Variants in CUBN observed in about 807,000 individuals in gnomAD.
CUBN encodes the protein cubilin.
Under a neutral mutation model 405.3 loss-of-function variants are expected in CUBN, and 282 were observed. That is an observed-to-expected ratio of 0.70 (90% CI 0.63 to 0.77). The LOEUF is 0.77. Ranked by LOEUF, CUBN falls within the 30% of genes least tolerant of loss-of-function variation. The pLI, the probability that CUBN is intolerant of heterozygous loss-of-function variation, is 0.00. For synonymous variants in CUBN, 1,684 were observed against 1,617.0 expected, an observed-to-expected ratio of 1.04 and a Z score of -0.99; for missense variants, 4,514 against 4,475.2, an observed-to-expected ratio of 1.01 and a Z score of -0.25.
chr10:16,992,669 C>G (rs993298399), intron 28 of CUBN, among the ~76,000 whole-genome samples: 2 of 152,208 alleles, frequency 1.3e-5, no homozygotes, highest in Admixed American at 1.3e-4. Context: ...AAATCTGACT[C>G]TAGCTCAAAG....
Position 16,831,850 on chromosome 10 carries a change from A to ATG in CUBN, c.10363-435_10363-434dup, listed in dbSNP as rs949522601. ...TTTCTCATTGTGTGTGTGTTTGTGTATGTGTGTGTGTGCACGTGTTTCCCA... is the reference window on the plus strand; with the variant it reads ...TTTCTCATTGTGTGTGTGTTTGTGTATGTGTGTGTGTGTGCACGTGTTTCCCA... On this transcript the variant is annotated intron_variant, in intron 64 of 66. Coordinates refer to ENST00000377833, the MANE Select transcript of CUBN (RefSeq NM_001081.4). 3.1e-4 allele frequency among the ~76,000 whole-genome samples: 43 copies of ATG among 139,770 alleles called. 1 individual carries two copies. Among genetic ancestry groups the ATG allele is most frequent in the Middle Eastern group, 3.5e-3 (1 of 288 alleles). The allele number at this position is 139,770 out of a possible 152,430, so 91.7% of individuals were successfully genotyped here. A position where few individuals can be genotyped will look rare whatever the true frequency, so the allele number is the denominator to read the frequency against.
At chr10:17,003,168 C>T (rs534276138) in intron 28 of CUBN, among the ~76,000 whole-genome samples, 9 of 152,270 alleles carry the variant, frequency 5.9e-5, no homozygotes, top group Admixed American at 5.9e-4. Context: ...TAAATTTCTA[C>T]CAAAACCAAG....
intron 4 of CUBN, among the ~76,000 whole-genome samples, chr10:17,125,216 TTA>T (rs958014314): frequency 6.6e-5 from 10 of 152,140 alleles, no homozygotes; most frequent in Non-Finnish European, 1.2e-4. Flanking sequence ...TACATATATA[TTA>T]TATATGTGTC....
Position 17,126,005 on chromosome 10 carries a change from C to CT in CUBN, c.387+755dup, listed in dbSNP as rs369979399. 3.0e-4 allele frequency among the ~76,000 whole-genome samples: 45 copies of CT among 152,026 alleles called. No homozygotes were observed. In the South Asian group the frequency reaches 5.2e-3, roughly 18 times the overall value. ...GGACCTGCCTCAATCTGCATGAGTC[C>CT]TTTTTTTTGTATCTGTCCTTCACAG... On this transcript the variant is annotated intron_variant, in intron 4 of 66. Coordinates refer to ENST00000377833, the MANE Select transcript of CUBN (RefSeq NM_001081.4).
intron 28 of CUBN, among the ~76,000 whole-genome samples, chr10:17,011,938 C>T (rs556202377): frequency 6.6e-6 from 1 of 152,154 alleles, no homozygotes; most frequent in Non-Finnish European, 1.5e-5. Flanking sequence ...CTTAATCCCC[C>T]CTCTAAACAG....
chr10:16,834,429 A>G lies in CUBN; in HGVS notation c.10362+585T>C, dbSNP rs532605716. Among the ~76,000 whole-genome samples, 12 of 152,218 alleles carry G rather than the reference A, an allele frequency of 7.9e-5. No homozygotes were observed. The East Asian group carries it at 1.7e-3, about 22-fold the overall frequency. On this transcript the variant is annotated intron_variant, in intron 64 of 66. Coordinates refer to ENST00000377833, the MANE Select transcript of CUBN (RefSeq NM_001081.4). ...GGGTGGGTGTGTGGACGATGGGCAA[A>G]CAGTGAAGTCATTTCTGTGCCCAAA...
intron 40 of CUBN, among the ~76,000 whole-genome samples, chr10:16,932,514 CAAT>C (rs1255730974): frequency 6.6e-6 from 1 of 152,176 alleles, no homozygotes; most frequent in Non-Finnish European, 1.5e-5. Flanking sequence ...AAGAATACAA[CAAT>C]ATCACCCCTT....
Position 16,925,728 on chromosome 10 carries a change from G to A in CUBN, c.6318C>T (p.Pro2106=), listed in dbSNP as rs1258682618. ...LHADRGIITS[P]KYPETYPSNL... is the part of the protein sequence containing the mutation. The stretch of plus-strand genomic sequence containing the variant: ...TGGATGGGTAAGTCTCTGGATACTT[G>A]GGGGACGTGATGATCCCTCTGTCTG... Residue 2106 remains proline, a synonymous_variant, in exon 42 of 67, where the codon CCC becomes CCT. Coordinates refer to ENST00000377833, the MANE Select transcript of CUBN (RefSeq NM_001081.4). The A allele has an allele frequency of 5.6e-6, 9 of 1,613,890 alleles. No homozygotes were observed. In the South Asian group the frequency reaches 8.8e-5, roughly 16 times the overall value.
At chr10:17,014,620 G>A (rs761039812) in intron 28 of CUBN, among the ~76,000 whole-genome samples, 1 of 152,166 alleles carries the variant, frequency 6.6e-6, no homozygotes, top group African/African-American at 2.4e-5. Context: ...GGCAAAGCTG[G>A]GTCTTCGACC....
chr10:17,061,390 T>G (rs1443053836), intron 22 of CUBN, among the ~76,000 whole-genome samples: 1 of 152,222 alleles, frequency 6.6e-6, no homozygotes, highest in Non-Finnish European at 1.5e-5. Flanking sequence ...GGGGCCCAGA[T>G]GCCTGAATTT....
At chr10:17,034,386 G>T (rs1229360433) in intron 27 of CUBN, among the ~76,000 whole-genome samples, 1 of 152,200 alleles carries the variant, frequency 6.6e-6, no homozygotes, top group African/African-American at 2.4e-5. Flanking sequence ...CAATGGAAGA[G>T]TAAGTCCTCA....
intron 56 of CUBN, 150 bp downstream of exon 56, chr10:16,888,267 A>G (rs1840879550): frequency 1.5e-6 from 1 of 665,354 alleles, no homozygotes; most frequent in Non-Finnish European, 2.6e-6. Flanking sequence ...CTCCCCACAA[A>G]AAGTGCTAAG....
chr10:16,925,902 G>A, intron 41 of CUBN, 128 bp from the exon 42 acceptor site: 1 of 791,126 alleles, frequency 1.3e-6, no homozygotes, highest in Non-Finnish European at 2.2e-6. Context: ...AAGCCAGAGT[G>A]CAGGAAATGA....
At chr10:16,833,570 C>T (rs573453772) in intron 64 of CUBN, among the ~76,000 whole-genome samples, 1 of 152,276 alleles carries the variant, frequency 6.6e-6, no homozygotes, top group South Asian at 2.1e-4. Context: ...CCCTTCCTGG[C>T]CAGGCTGGGC....
intron 29 of CUBN, among the ~76,000 whole-genome samples, chr10:16,989,471 T>G (rs184164272): frequency 2.0e-5 from 3 of 148,278 alleles, no homozygotes; most frequent in African/African-American, 7.3e-5. Context: ...TATAAAATTA[T>G]ATAAGAATAT....
chr10:16,854,475 T>C (rs908622995), intron 59 of CUBN, among the ~76,000 whole-genome samples: 2 of 152,130 alleles, frequency 1.3e-5, no homozygotes, highest in African/African-American at 4.8e-5. Flanking sequence ...ATCTAAAAAT[T>C]GATCCAGAAC....
chr10:16,920,067 A>T lies in CUBN; in HGVS notation c.6717T>A (p.His2239Gln), dbSNP rs373318259. 6.2e-7 allele frequency: 1 copy of T among 1,614,056 alleles called. No individual in the cohort carries two copies. Among genetic ancestry groups the T allele is most frequent in the Non-Finnish European group, 8.5e-7 (1 of 1,179,970 alleles). The change falls in exon 44 of 67, where the codon CAT (histidine) becomes CAA (glutamine). Residue 2239 changes from histidine to glutamine, a missense_variant. By Grantham distance (24) the His-to-Gln change is conservative. Around this residue, in one of 5 missense-constraint regions of CUBN, gnomAD observed 1,613 missense variants for 1,542.8 expected, o/e 1.05. Coordinates refer to ENST00000377833, the MANE Select transcript of CUBN (RefSeq NM_001081.4). ...TGCAATCAGCGTGCGGGGGATAATT[A>T]TGAGGGTGGTTGGGGGAGGTCACAT... ...AGYVTSPNHP[H>Q]NYPPHADCIW... is the part of the protein sequence containing the mutation.
chr10:17,029,707 T>C (rs958619812), intron 27 of CUBN, among the ~76,000 whole-genome samples: 7 of 152,154 alleles, frequency 4.6e-5, no homozygotes, highest in Non-Finnish European at 7.3e-5. Flanking sequence ...GAAGCATGAC[T>C]CATCTGCCCA....
chr10:16,938,748 C>A (rs565645166), intron 38 of CUBN, among the ~76,000 whole-genome samples: 1 of 152,022 alleles, frequency 6.6e-6, no homozygotes, highest in African/African-American at 2.4e-5. Flanking sequence ...TTATAATAAT[C>A]CTAAAAAACC....
Sources: allele counts gnomAD v4.1 joint callset (sites outside exome capture counted in the v4.1 genomes callset), GRCh38; gene constraint gnomAD v4.1.1; regional missense constraint gnomAD v4.1.1; transcripts MANE v1.5; gene names NCBI Gene and HGNC (gene_info 2026-07-23, HGNC 2026-07-21).